Variants in LRP1B observed in about 807,000 individuals in gnomAD.
The protein encoded by LRP1B is low-density lipoprotein receptor-related protein 1B.
A neutral mutation model predicts 556.6 loss-of-function variants in LRP1B; 217 were observed. The ratio of observed to expected loss-of-function variants is 0.39; its 90% CI spans 0.35 to 0.44. The LOEUF is 0.44. LRP1B is among the 20% of genes least tolerant of loss of function. The pLI is 1.00. For missense variants in LRP1B, 5,053 were observed against 5,620.8 expected (o/e 0.90, Z 3.23); for synonymous variants, 2,047 against 1,865.8 (o/e 1.10, Z -2.50).
chr2:141,427,532 A>G (rs370522686), intron 3 of LRP1B, among the ~76,000 whole-genome samples: 1 of 152,214 alleles, frequency 6.6e-6, no homozygotes, highest in Non-Finnish European at 1.5e-5. Flanking sequence ...TAGTTACTGT[A>G]ATATAGCAAA....
chr2:140,457,392 G>C lies in LRP1B; in HGVS notation c.9814+71C>G, dbSNP rs188358602. ...CAAAAATAAAATTACATTTAACCTT[G>C]AAATAATAAAAAATGGAATGTTACT... On this transcript the variant is annotated intron_variant, in intron 61 of 90. Transcript: ENST00000389484. 1,964 of 1,198,782 alleles carry C rather than the reference G, an allele frequency of 1.6e-3. 3 individuals carry two copies. Among genetic ancestry groups the C allele is most frequent in the Non-Finnish European group, 2.2e-3 (1,799 of 829,638 alleles). 74.3% of individuals were successfully genotyped at this position (1,198,782 alleles called of 1,614,324 possible).
At chr2:141,005,857 G>A (rs1256641009) in intron 14 of LRP1B, among the ~76,000 whole-genome samples, 1 of 151,998 alleles carries the variant, frequency 6.6e-6, no homozygotes, top group Non-Finnish European at 1.5e-5. Context: ...TGAGGGTTGG[G>A]AGCAAGGGTA....
intron 3 of LRP1B, among the ~76,000 whole-genome samples, chr2:141,472,283 TG>T (rs1230337051): frequency 6.6e-6 from 1 of 152,182 alleles, no homozygotes; most frequent in Non-Finnish European, 1.5e-5. Flanking sequence ...CAGTGGCTCA[TG>T]CCTGTAATCC....
chr2:141,303,568 TTAACA>T (rs1686474110), intron 3 of LRP1B, among the ~76,000 whole-genome samples: 1 of 152,162 alleles, frequency 6.6e-6, no homozygotes, highest in South Asian at 2.1e-4. Flanking sequence ...TTTATTTTAC[TTAACA>T]TAATGATCTC....
chr2:140,961,698 T>TATCACA (rs1696039870), intron 18 of LRP1B, among the ~76,000 whole-genome samples: 1 of 152,124 alleles, frequency 6.6e-6, no homozygotes, highest in Non-Finnish European at 1.5e-5. Flanking sequence ...GTTTACATTA[T>TATCACA]TGTTATCACA....
At chr2:142,038,417 A>G (rs1306918394) in intron 1 of LRP1B, among the ~76,000 whole-genome samples, 2 of 151,668 alleles carry the variant, frequency 1.3e-5, no homozygotes, top group African/African-American at 4.8e-5. Context: ...GTGGAGCTAC[A>G]TAAAATTGCT....
chr2:140,689,546 C>T (rs114725612), intron 41 of LRP1B, among the ~76,000 whole-genome samples: 2,482 of 152,262 alleles, frequency 0.016, 87 homozygotes, highest in Admixed American at 0.072. Context: ...ACAGAAATAA[C>T]TCTGGTCAAG....
chr2:141,817,009 T>G (rs1207931283), intron 1 of LRP1B, among the ~76,000 whole-genome samples: 1 of 152,156 alleles, frequency 6.6e-6, no homozygotes, highest in Admixed American at 6.5e-5. Flanking sequence ...TCAAATTCAG[T>G]TTTTAAAAAC....
intron 1 of LRP1B, among the ~76,000 whole-genome samples, chr2:141,990,819 CATA>C (rs964841326): frequency 3.3e-5 from 5 of 152,020 alleles, no homozygotes; most frequent in African/African-American, 1.2e-4. Flanking sequence ...GTTAGACTCA[CATA>C]ATATTTAACC....
At chr2:140,297,773 A>G (rs2105000187) in intron 84 of LRP1B, 35 bp downstream of exon 84, 1 of 1,568,968 alleles carries the variant, frequency 6.4e-7, no homozygotes, top group Non-Finnish European at 8.7e-7. Context: ...TAACATAAAC[A>G]TCAAAGCTGG....
chr2:141,579,723 A>ATTTTTTTTTTTTTTTTTTTTTTTT (rs1559153915), intron 2 of LRP1B, among the ~76,000 whole-genome samples: 1 of 31,148 alleles, frequency 3.2e-5, no homozygotes, highest in Non-Finnish European at 6.5e-5. Context: ...ATCAGGTTTC[A>ATTTTTTTTTTTTTTTTTTTTTTTT]CTTTTTTTTT....
chr2:141,005,268 T>C, intron 15 of LRP1B, 67 bp downstream of exon 15: 2 of 1,536,084 alleles, frequency 1.3e-6, no homozygotes, highest in Non-Finnish European at 1.8e-6. Context: ...ATTCCTTTAG[T>C]TTCTTCTGCT....
At chr2:140,709,486 G>GGAGGAGGAGGAGGAACAA (rs1237547162) in intron 37 of LRP1B, among the ~76,000 whole-genome samples, 3 of 151,534 alleles carry the variant, frequency 2.0e-5, no homozygotes, top group African/African-American at 7.3e-5. Context: ...AGGAAGAGGA[G>GGAGGAGGAGGAGGAACAA]GAGGAGGAGG....
At chr2:142,069,697 G>A (rs1705240678) in intron 1 of LRP1B, among the ~76,000 whole-genome samples, 1 of 151,740 alleles carries the variant, frequency 6.6e-6, no homozygotes, top group African/African-American at 2.4e-5. Context: ...CATGCGAAAA[G>A]GTTTTGCATG....
At chr2:141,497,031 G>A (rs1000465794) in intron 2 of LRP1B, among the ~76,000 whole-genome samples, 3 of 151,810 alleles carry the variant, frequency 2.0e-5, no homozygotes, top group African/African-American at 7.2e-5. Context: ...AGGATCAGCA[G>A]CCTCAGTAGC....
chr2:141,084,652 C>CTTTTTTTTTTTTTTTTTTTTTT (rs11311266), intron 7 of LRP1B, among the ~76,000 whole-genome samples: 1 of 136,994 alleles, frequency 7.3e-6, no homozygotes, highest in South Asian at 2.3e-4. Context: ...ACTTCTGTTT[C>CTTTTTTTTTTTTTTTTTTTTTT]TTTTTTTTTT....
chr2:141,508,890 T>C (rs1684024478), intron 2 of LRP1B, among the ~76,000 whole-genome samples: 1 of 152,128 alleles, frequency 6.6e-6, no homozygotes, highest in South Asian at 2.1e-4. Flanking sequence ...TAATTTGTCC[T>C]GATATAAAGT....
intron 7 of LRP1B, among the ~76,000 whole-genome samples, chr2:141,065,359 T>G (rs1699451408): frequency 6.6e-6 from 1 of 151,942 alleles, no homozygotes; most frequent in South Asian, 2.1e-4. Flanking sequence ...TAACAATGTG[T>G]GCAATGTATA....
At position 141,890,323 on chromosome 2, in the gene LRP1B, CATATATATATATATAT is replaced by C. The variant is rs556472129; in HGVS notation, c.83-79938_83-79923del. On this transcript the variant is annotated intron_variant, in intron 1 of 90. Coordinates refer to ENST00000389484, the MANE Select transcript of LRP1B (RefSeq NM_018557.3). Reference sequence around the variant, plus strand: ...GGCTGTCACAGGTAAGGGCACAATACATATATATATATATATATATATATATATGTATTGTGCATAT... The same window carrying C: ...GGCTGTCACAGGTAAGGGCACAATACATATATATATATGTATTGTGCATAT... 7.4e-4 allele frequency among the ~76,000 whole-genome samples: 62 copies of C among 83,816 alleles called. 1 individual carries two copies. Among genetic ancestry groups the C allele is most frequent in the African/African-American group, 2.7e-3 (61 of 22,844 alleles). 55.0% of individuals were successfully genotyped at this position (83,816 alleles called of 152,430 possible). A position where few individuals can be genotyped will look rare whatever the true frequency, so the allele number is the denominator to read the frequency against.
Sources: allele counts gnomAD v4.1 joint callset (sites outside exome capture counted in the v4.1 genomes callset), GRCh38; gene constraint gnomAD v4.1.1; transcripts MANE v1.5; gene names NCBI Gene and HGNC (gene_info 2026-07-23, HGNC 2026-07-21).